Variants in MACF1 observed in about 807,000 individuals in gnomAD.
MACF1 encodes microtubule-actin cross-linking factor 1.
A neutral mutation model predicts 854.8 loss-of-function variants in MACF1; 193 were observed. The ratio of observed to expected loss-of-function variants is 0.23; its 90% CI spans 0.20 to 0.25. MACF1 has a LOEUF of 0.25. Ranked by LOEUF, MACF1 falls within the 10% of genes least tolerant of loss-of-function variation. The pLI, the probability that MACF1 is intolerant of heterozygous loss-of-function variation, is 1.00. For synonymous variants in MACF1, 3,185 were observed against 3,226.7 expected (o/e 0.99, Z 0.44); for missense variants, 7,722 against 8,929.1 (o/e 0.86, Z 5.45).
At chr1:39,284,292 A>G (rs755627346) in intron 10 of MACF1, 41 bp from the exon 11 acceptor site, 1 of 1,568,324 alleles carries the variant, frequency 6.4e-7, no homozygotes. Flanking sequence ...ATTGGGTCCT[A>G]TAGTTTGTGT....
intron 22 of MACF1, 122 bp from the exon 23 acceptor site, chr1:39,302,802 T>TAGCAGATCTTTTCTTA (rs1646076848): frequency 3.4e-6 from 3 of 881,096 alleles, no homozygotes; most frequent in Non-Finnish European, 3.4e-6. Flanking sequence ...CACTAAGTGA[T>TAGCAGATCTTTTCTTA]AGCAGATCTT....
In MACF1 at chr1:39,316,472, A is replaced by G; in HGVS notation, c.3531A>G (p.Gln1177=). The G allele has an allele frequency of 1.2e-6, 2 of 1,613,968 alleles. No individual in the cohort carries two copies. Among genetic ancestry groups the G allele is most frequent in the Non-Finnish European group, 1.7e-6 (2 of 1,179,866 alleles). Residue 1177 remains glutamine (Q), a synonymous_variant, in exon 28 of 101, where the codon CAA becomes CAG. Transcript: ENST00000564288. ...LVKGYEIKLS[Q]EEVVLADLSA... ...AAGGTTATGAGATTAAGCTGAGTCA[A>G]GAAGAAGTAGTACTGGCAGATCTCT...
intron 2 of MACF1, among the ~76,000 whole-genome samples, chr1:39,152,923 C>T (rs1054255323): frequency 6.6e-6 from 1 of 151,970 alleles, no homozygotes; most frequent in Non-Finnish European, 1.5e-5. Context: ...GCAGAACAGC[C>T]CAGGTGAGTT....
intron 94 of MACF1, 133 bp from the exon 95 acceptor site, chr1:39,464,962 A>C (rs1010488276): frequency 1.2e-6 from 1 of 824,472 alleles, no homozygotes; most frequent in African/African-American, 1.7e-5. Context: ...GCTTGGTAAG[A>C]ATATGTTCAG....
intron 42 of MACF1, among the ~76,000 whole-genome samples, 164 bp downstream of exon 42, chr1:39,349,791 C>G (rs554748880): frequency 3.9e-5 from 6 of 152,252 alleles, no homozygotes; most frequent in African/African-American, 1.2e-4. Context: ...GCCACCATGT[C>G]CTAATTTTTT....
At chr1:39,167,887 A>AG (rs536975417) in intron 2 of MACF1, among the ~76,000 whole-genome samples, 1 of 139,962 alleles carries the variant, frequency 7.1e-6, no homozygotes, top group South Asian at 2.2e-4. Flanking sequence ...AAAAAAAAAA[A>AG]GAGAGAGAGA....
rs759797036 is a variant in MACF1, at chr1:39,484,960, C to T, written c.22411+230C>T. On this transcript the variant is annotated intron_variant, in intron 100 of 100. Transcript: ENST00000564288. ...CTTCCACAGCCAAAGCTGGGCCATG[C>T]GTTCTCATCAGAAATGATCACATTT... is the stretch of plus-strand genomic sequence containing the variant. 5.1e-6 allele frequency: 3 copies of T among 584,304 alleles called. No individual in the cohort carries two copies. In the South Asian group the frequency reaches 6.2e-5, roughly 12 times the overall value. The allele number at this position is 584,304 out of a possible 1,614,324, so 36.2% of individuals were successfully genotyped here.
intron 2 of MACF1, among the ~76,000 whole-genome samples, chr1:39,246,611 C>T (rs190510438): frequency 6.7e-6 from 1 of 150,148 alleles, no homozygotes; most frequent in African/African-American, 2.5e-5. Flanking sequence ...CGGGTTCAAG[C>T]GATTCTCCTG....
chr1:39,417,032 T>G (rs1162479290), intron 58 of MACF1, among the ~76,000 whole-genome samples: 1 of 152,222 alleles, frequency 6.6e-6, no homozygotes, highest in Non-Finnish European at 1.5e-5. Flanking sequence ...TTCCATTCCC[T>G]TAGGATTCCA....
At chr1:39,195,456 C>G (rs1198546322) in intron 2 of MACF1, among the ~76,000 whole-genome samples, 1 of 152,124 alleles carries the variant, frequency 6.6e-6, no homozygotes, top group Non-Finnish European at 1.5e-5. Flanking sequence ...AGACATTTAT[C>G]TAGCTTCAAA....
chr1:39,285,045 A>G (rs777348573), intron 11 of MACF1, 38 bp from the exon 12 acceptor site: 20 of 1,610,824 alleles, frequency 1.2e-5, no homozygotes, highest in African/African-American at 2.7e-5. Context: ...ACAAGAGGGC[A>G]TGGCTGTGTT....
chr1:39,280,566 A>G (rs917196634), intron 6 of MACF1, among the ~76,000 whole-genome samples: 3 of 151,926 alleles, frequency 2.0e-5, no homozygotes, highest in South Asian at 2.1e-4. Context: ...GCAAAATAAC[A>G]TTTATTTATT....
At chr1:39,120,888 A>G (rs1039740867) in intron 2 of MACF1, 1 of 152,312 alleles carries the variant, frequency 6.6e-6, no homozygotes, top group African/African-American at 2.4e-5. Flanking sequence ...ATTATTGACT[A>G]TAGTCACCCT....
chr1:39,100,966 A>G (rs1208176228), intron 2 of MACF1, among the ~76,000 whole-genome samples: 1 of 151,980 alleles, frequency 6.6e-6, no homozygotes, highest in Non-Finnish European at 1.5e-5. Flanking sequence ...TTGCCATGTT[A>G]CCCAGGCTGG....
chr1:39,456,792 C>A (rs773774644), intron 89 of MACF1: 1 of 152,262 alleles, frequency 6.6e-6, no homozygotes, highest in Non-Finnish European at 1.5e-5. Flanking sequence ...TTTCCCATCA[C>A]TCCCCAAGTC....
At chr1:39,275,241 G>T (rs1377689972) in intron 6 of MACF1, among the ~76,000 whole-genome samples, 1 of 152,028 alleles carries the variant, frequency 6.6e-6, no homozygotes, top group Admixed American at 6.6e-5. Flanking sequence ...GCCATGCCCG[G>T]TTAATTTTGT....
chr1:39,216,591 C>T (rs1324378116), intron 1 of MACF1, among the ~76,000 whole-genome samples: 1 of 151,936 alleles, frequency 6.6e-6, no homozygotes, highest in Non-Finnish European at 1.5e-5. Flanking sequence ...TAGGCTAGTG[C>T]TTGCAAGTAT....
At chr1:39,444,969 G>T in intron 80 of MACF1, 134 bp downstream of exon 80, 1 of 702,140 alleles carries the variant, frequency 1.4e-6, no homozygotes, top group Non-Finnish European at 2.3e-6. Flanking sequence ...TTCCATCTGT[G>T]TTGAGTTGCA....
At chr1:39,190,401 GT>G (rs71057198) in intron 2 of MACF1, among the ~76,000 whole-genome samples, 13,715 of 105,658 alleles carry the variant, frequency 0.13, 1,517 homozygotes, top group African/African-American at 0.36. Context: ...GTTTGTTTTT[GT>G]TTTTTTTTTT....
Sources: allele counts gnomAD v4.1 joint callset (sites outside exome capture counted in the v4.1 genomes callset), GRCh38; gene constraint gnomAD v4.1.1; transcripts MANE v1.5; gene names NCBI Gene and HGNC (gene_info 2026-07-23, HGNC 2026-07-21).